PCDHB4: variants seen among roughly 807,000 people sequenced by gnomAD.
The protein encoded by PCDHB4 is protocadherin beta 4.
For synonymous variants in PCDHB4, 482 were observed against 447.3 expected (o/e 1.08, Z -0.98); for missense variants, 1,063 against 1,007.0 (o/e 1.06, Z -0.75).
At position 141,121,981 on chromosome 5, in the gene PCDHB4, A is replaced by AG; in HGVS notation, c.-15dup. On this transcript the variant is annotated 5_prime_UTR_variant, in exon 1 of 1. Transcript: ENST00000194152. Reference sequence around the variant, plus strand: ...TGCGGTTGCTGAGGGGATTGGATATAGGGACCTGGACTCCAACATGAAGAA... The same window carrying AG: ...TGCGGTTGCTGAGGGGATTGGATATAGGGGACCTGGACTCCAACATGAAGAA... 6.5e-7 allele frequency: 1 copy of AG among 1,534,940 alleles called. No individual in the cohort carries two copies. The highest frequency in any genetic ancestry group is 8.8e-7 in the Non-Finnish European group (1 of 1,136,752).
rs374629499 is a variant in PCDHB4 at position 141,123,718 on chromosome 5, C to T, written c.1720C>T (p.Leu574=). 1.2e-4 allele frequency: 195 copies of T among 1,610,590 alleles called. No homozygotes were observed. Among genetic ancestry groups the T allele is most frequent in the Admixed American group, 7.8e-4 (47 of 59,992 alleles). The change falls in exon 1 of 1, where the codon CTG becomes TTG. Residue 574 remains leucine, a synonymous_variant. Coordinates refer to ENST00000194152, the MANE Select transcript of PCDHB4 (RefSeq NM_018938.4). ...LQNGSAPCTE[L]VPRAAEPGYL... Reference sequence around the variant, plus strand: ...GAATGGCTCCGCGCCCTGCACCGAGCTGGTGCCCCGGGCGGCCGAGCCGGG... The same window carrying T: ...GAATGGCTCCGCGCCCTGCACCGAGTTGGTGCCCCGGGCGGCCGAGCCGGG...
In PCDHB4 at chr5:141,121,821, CG is replaced by C. The variant is rs1173570655; in HGVS notation, c.-176del. On this transcript the variant is annotated 5_prime_UTR_variant, in exon 1 of 1. Coordinates refer to ENST00000194152, the MANE Select transcript of PCDHB4 (RefSeq NM_018938.4). ...GTCGCTAGACGCAATCAAAAACACA[CG>C]GAAGAAGCGTTACAAGCAGTGCAGG... is the stretch of plus-strand genomic sequence containing the variant. The C allele has an allele frequency of 1.9e-6, 1 of 516,630 alleles. No individual in the cohort carries two copies. Among genetic ancestry groups the C allele is most frequent in the African/African-American group, 1.9e-5 (1 of 51,936 alleles). The allele number at this position is 516,630 out of a possible 1,614,324, so 32.0% of individuals were successfully genotyped here.
chr5:141,123,943 C>T lies in PCDHB4; in HGVS notation c.1945C>T (p.Pro649Ser). Residue 649 changes from proline (P) to serine (S), a missense_variant, in exon 1 of 1, where the codon CCT becomes TCT. Physicochemically the swap from Pro to Ser is moderately conservative, Grantham distance 74. Transcript: ENST00000194152. ...LVVLVKDNGE[P>S]PRSATATLHV... ...GGTGCTTGTCAAGGACAATGGCGAGCCTCCGCGCTCGGCCACCGCCACGCT... is the reference window on the plus strand; with the variant it reads ...GGTGCTTGTCAAGGACAATGGCGAGTCTCCGCGCTCGGCCACCGCCACGCT... 6.2e-7 allele frequency: 1 copy of T among 1,604,492 alleles called. No individual in the cohort carries two copies.
In PCDHB4 at chr5:141,122,670, G is replaced by T. The variant is rs61746592; in HGVS notation, c.672G>T (p.Thr224=). The T allele has an allele frequency of 1.2e-6, 2 of 1,614,182 alleles. No homozygotes were observed. The highest frequency in any genetic ancestry group is 2.2e-5 in the South Asian group (2 of 91,074). Residue 224 remains threonine (T), a synonymous_variant, in exon 1 of 1, where the codon ACG becomes ACT. Transcript: ENST00000194152. ...GTGGGTCACCACCTAGGTCTGGCAC[G>T]GTCATGGTTCGAATCCTGATCATGG... ...LDGGSPPRSG[T]VMVRILIMDI...
In PCDHB4 at chr5:141,123,501, C is replaced by T; in HGVS notation, c.1503C>T (p.Ser501=). ...AGGACCCGCACCTGCCCCTCGCCTCCCTGGTCTCCATCAACGCAGACAACG... is the reference window on the plus strand; with the variant it reads ...AGGACCCGCACCTGCCCCTCGCCTCTCTGGTCTCCATCAACGCAGACAACG... The part of the protein sequence containing the change: ...PPQDPHLPLA[S]LVSINADNGH... The change falls in exon 1 of 1, where the codon TCC becomes TCT. Residue 501 remains serine, a synonymous_variant. Coordinates refer to ENST00000194152, the MANE Select transcript of PCDHB4 (RefSeq NM_018938.4). 1.2e-6 allele frequency: 2 copies of T among 1,613,370 alleles called. No individual in the cohort carries two copies. Among genetic ancestry groups the T allele is most frequent in the Non-Finnish European group, 1.7e-6 (2 of 1,180,010 alleles).
chr5:141,121,998 C>A lies in PCDHB4; in HGVS notation c.-1C>A. The A allele has an allele frequency of 6.4e-7, 1 of 1,574,542 alleles. No homozygotes were observed. Among genetic ancestry groups the A allele is most frequent in the South Asian group, 1.2e-5 (1 of 83,886 alleles). On this transcript the variant is annotated 5_prime_UTR_variant, in exon 1 of 1. Transcript: ENST00000194152. ...TTGGATATAGGGACCTGGACTCCAA[C>A]ATGAAGAAGCTAGGGAGAATTCATC...
rs782261386 is a variant in PCDHB4 at position 141,122,739 on chromosome 5, G to A, written c.741G>A (p.Gly247=). 1.5e-5 allele frequency: 24 copies of A among 1,613,748 alleles called. No individual in the cohort carries two copies. The highest frequency in any genetic ancestry group is 1.9e-5 in the Non-Finnish European group (23 of 1,179,816). The change falls in exon 1 of 1, where the codon GGG becomes GGA. Residue 247 remains glycine (G), a synonymous_variant. Transcript: ENST00000194152. ...CTGAGTTTGTGCACACTCCATATGG[G>A]GTGCAGGTCCTGGAAAACAGCCCCC... is the stretch of plus-strand genomic sequence containing the variant. ...NAPEFVHTPY[G]VQVLENSPLD...
Position 141,124,244 on chromosome 5 carries a change from A to C in PCDHB4, c.2246A>C (p.Gln749Pro), listed in dbSNP as rs782549930. Reference protein sequence around the residue: ...SGTGTLSQSYQYEVCLTGDSG... With the variant: ...SGTGTLSQSYPYEVCLTGDSG... ...ACCGGGACCCTGTCCCAGAGCTACCAGTACGAGGTGTGTCTGACAGGAGAC... is the reference window on the plus strand; with the variant it reads ...ACCGGGACCCTGTCCCAGAGCTACCCGTACGAGGTGTGTCTGACAGGAGAC... The change falls in exon 1 of 1, where the codon CAG becomes CCG. Residue 749 changes from glutamine to proline, a missense_variant. Physicochemically the swap from Gln to Pro is moderately conservative, Grantham distance 76. Coordinates refer to ENST00000194152, the MANE Select transcript of PCDHB4 (RefSeq NM_018938.4). 9.9e-6 allele frequency: 16 copies of C among 1,614,050 alleles called. No individual in the cohort carries two copies. In the African/African-American group the frequency reaches 2.0e-4, roughly 20 times the overall value.
In PCDHB4 at chr5:141,123,784, G is replaced by A. The variant is rs1554274626; in HGVS notation, c.1786G>A (p.Gly596Ser). The A allele has an allele frequency of 3.1e-6, 5 of 1,610,100 alleles. No homozygotes were observed. Among genetic ancestry groups the A allele is most frequent in the Non-Finnish European group, 4.2e-6 (5 of 1,179,696 alleles). Residue 596 changes from glycine (G) to serine (S), a missense_variant, in exon 1 of 1, where the codon GGC (glycine) becomes AGC (serine). Transcript: ENST00000194152. ...GGTGGTGGCGGTGGACGGCGACTCG[G>A]GCCAGAACGCCTGGCTGTCGTACCA... ...TKVVAVDGDS[G>S]QNAWLSYQLL...
chr5:141,123,359 C>A lies in PCDHB4; in HGVS notation c.1361C>A (p.Ser454Tyr). 6.2e-7 allele frequency: 1 copy of A among 1,614,060 alleles called. No homozygotes were observed. Among genetic ancestry groups the A allele is most frequent in the South Asian group, 1.1e-5 (1 of 91,072 alleles). Residue 454 changes from serine (S) to tyrosine (Y), a missense_variant, in exon 1 of 1, where the codon TCC (serine) becomes TAC (tyrosine). Transcript: ENST00000194152. ...AACGCCCCCGCCTTCACCCAAACCT[C>A]CTACACCCTGTTCGTCCGCGAGAAC... ...NDNAPAFTQT[S>Y]YTLFVRENNS...
rs1177256730 is a variant in PCDHB4, at chr5:141,122,676, G to A, written c.678G>A (p.Met226Ile). The A allele has an allele frequency of 6.2e-6, 10 of 1,614,070 alleles. No homozygotes were observed. In the African/African-American group the frequency reaches 8.0e-5, roughly 13 times the overall value. ...GGSPPRSGTV[M>I]VRILIMDIND... ...CACCACCTAGGTCTGGCACGGTCAT[G>A]GTTCGAATCCTGATCATGGACATCA... Residue 226 changes from methionine to isoleucine, a missense_variant, in exon 1 of 1, where the codon ATG becomes ATA. Coordinates refer to ENST00000194152, the MANE Select transcript of PCDHB4 (RefSeq NM_018938.4).
rs1752302811 is a variant in PCDHB4 at position 141,122,371 on chromosome 5, A to G, written c.373A>G (p.Ile125Val). Reference sequence around the variant, plus strand: ...TCAAGGAGAATTATTGATCCAGGACATAAATGATCACTCTCCAATATTCCC... The same window carrying G: ...TCAAGGAGAATTATTGATCCAGGACGTAAATGATCACTCTCCAATATTCCC... Reference protein sequence around the residue: ...FFQGELLIQDINDHSPIFPER... With the variant: ...FFQGELLIQDVNDHSPIFPER... The change falls in exon 1 of 1, where the codon ATA (isoleucine) becomes GTA (valine). Residue 125 changes from isoleucine to valine, a missense_variant. Ile to Val is a conservative substitution (Grantham distance 29). Coordinates refer to ENST00000194152, the MANE Select transcript of PCDHB4 (RefSeq NM_018938.4). 6.2e-7 allele frequency: 1 copy of G among 1,614,080 alleles called. No homozygotes were observed. The highest frequency in any genetic ancestry group is 1.3e-5 in the African/African-American group (1 of 74,950).
chr5:141,124,209 C>G lies in PCDHB4; in HGVS notation c.2211C>G (p.Asp737Glu), dbSNP rs782131892. The change falls in exon 1 of 1, where the codon GAC (aspartate) becomes GAG (glutamate). Residue 737 changes from aspartate to glutamate, a missense_variant. Coordinates refer to ENST00000194152, the MANE Select transcript of PCDHB4 (RefSeq NM_018938.4). Reference sequence around the variant, plus strand: ...GCCCCTTTCCAGGGCATCTGGTGGACGTAAGCGGCACCGGGACCCTGTCCC... The same window carrying G: ...GCCCCTTTCCAGGGCATCTGGTGGAGGTAAGCGGCACCGGGACCCTGTCCC... ...PEGPFPGHLV[D>E]VSGTGTLSQS... 3 of 1,614,052 alleles carry G rather than the reference C, an allele frequency of 1.9e-6. No homozygotes were observed. The highest frequency in any genetic ancestry group is 2.2e-5 in the South Asian group (2 of 91,070).
At position 141,122,297 on chromosome 5, in the gene PCDHB4, C is replaced by A. The variant is rs1222405411; in HGVS notation, c.299C>A (p.Pro100Gln). ...GAAGAGCTCTGTGGTCCTATTGAACCGTGTGTACTGCATTTCCAAGTGTTC... is the reference window on the plus strand; with the variant it reads ...GAAGAGCTCTGTGGTCCTATTGAACAGTGTGTACTGCATTTCCAAGTGTTC... ...DREELCGPIE[P>Q]CVLHFQVFLE... The change falls in exon 1 of 1, where the codon CCG (proline) becomes CAG (glutamine). Residue 100 changes from proline (P) to glutamine (Q), a missense_variant. Physicochemically the swap from Pro to Gln is moderately conservative, Grantham distance 76 (BLOSUM62 -1). Transcript: ENST00000194152. The A allele has an allele frequency of 6.2e-7, 1 of 1,613,824 alleles. No homozygotes were observed. The highest frequency in any genetic ancestry group is 8.5e-7 in the Non-Finnish European group (1 of 1,180,028).
At position 141,123,684 on chromosome 5, in the gene PCDHB4, C is replaced by T. The variant is rs1554274604; in HGVS notation, c.1686C>T (p.Tyr562=). The change falls in exon 1 of 1, where the codon TAC becomes TAT. Residue 562 remains tyrosine (Y), a synonymous_variant. Coordinates refer to ENST00000194152, the MANE Select transcript of PCDHB4 (RefSeq NM_018938.4). ...DTNDNSPFVL[Y]PLQNGSAPCT... Reference sequence around the variant, plus strand: ...ACGACAACTCGCCCTTCGTGCTGTACCCGCTGCAGAATGGCTCCGCGCCCT... The same window carrying T: ...ACGACAACTCGCCCTTCGTGCTGTATCCGCTGCAGAATGGCTCCGCGCCCT... 6 of 1,611,324 alleles carry T rather than the reference C, an allele frequency of 3.7e-6. No individual in the cohort carries two copies. The Admixed American group carries it at 5.0e-5, about 13-fold the overall frequency.
At position 141,123,491 on chromosome 5, in the gene PCDHB4, C is replaced by T. The variant is rs1302319280; in HGVS notation, c.1493C>T (p.Pro498Leu). The change falls in exon 1 of 1, where the codon CCC becomes CTC. Residue 498 changes from proline to leucine, a missense_variant. Coordinates refer to ENST00000194152, the MANE Select transcript of PCDHB4 (RefSeq NM_018938.4). ...CTGCCGCCCCAGGACCCGCACCTGC[C>T]CCTCGCCTCCCTGGTCTCCATCAAC... ...SLLPPQDPHL[P>L]LASLVSINAD... 6.2e-7 allele frequency: 1 copy of T among 1,613,248 alleles called. No individual in the cohort carries two copies. Among genetic ancestry groups the T allele is most frequent in the South Asian group, 1.1e-5 (1 of 91,046 alleles).
rs782207816 is a variant in PCDHB4 at position 141,122,942 on chromosome 5, A to G, written c.944A>G (p.His315Arg). ...GATTTCGAAAAAATTAAATCTTACC[A>G]TGTAGAAATTGAGGCCACAGATGGA... ...KLDFEKIKSY[H>R]VEIEATDGGG... Residue 315 changes from histidine (H) to arginine (R), a missense_variant, in exon 1 of 1, where the codon CAT (histidine) becomes CGT (arginine). Transcript: ENST00000194152. 8.1e-6 allele frequency: 13 copies of G among 1,611,480 alleles called. No homozygotes were observed. In the East Asian group the frequency reaches 1.6e-4, roughly 19 times the overall value.
In PCDHB4 at chr5:141,121,825, A is replaced by G. The variant is rs1426374775; in HGVS notation, c.-174A>G. On this transcript the variant is annotated 5_prime_UTR_variant, in exon 1 of 1. Coordinates refer to ENST00000194152, the MANE Select transcript of PCDHB4 (RefSeq NM_018938.4). The stretch of plus-strand genomic sequence containing the variant: ...CTAGACGCAATCAAAAACACACGGA[A>G]GAAGCGTTACAAGCAGTGCAGGTTT... 3 of 530,736 alleles carry G rather than the reference A, an allele frequency of 5.7e-6. No individual in the cohort carries two copies. The African/African-American group carries it at 5.7e-5, about 10-fold the overall frequency. The allele number at this position is 530,736 out of a possible 1,614,324, so 32.9% of individuals were successfully genotyped here.
Position 141,124,056 on chromosome 5 carries a change from C to G in PCDHB4, c.2058C>G (p.Thr686=), listed in dbSNP as rs112059899. ...APAQAQADSL[T]VYLVVALASV... is the part of the protein sequence containing the mutation. ...CCCAGGCCCAGGCCGACTCTCTCAC[C>G]GTCTACCTGGTGGTGGCGTTGGCCT... The change falls in exon 1 of 1, where the codon ACC becomes ACG. Residue 686 remains threonine, a synonymous_variant. Transcript: ENST00000194152. The G allele has an allele frequency of 3.7e-6, 6 of 1,607,366 alleles. No individual in the cohort carries two copies. The highest frequency in any genetic ancestry group is 4.5e-5 in the East Asian group (2 of 44,842).
Sources: allele counts gnomAD v4.1 joint callset, GRCh38; gene constraint gnomAD v4.1.1; transcripts MANE v1.5; gene names NCBI Gene and HGNC (gene_info 2026-07-23, HGNC 2026-07-21).